EXTL3: variants seen among roughly 807,000 people sequenced by gnomAD.
EXTL3 encodes exostosin like glycosyltransferase 3.
Under a neutral mutation model 69.3 loss-of-function variants are expected in EXTL3, and 27 were observed. That is an observed-to-expected ratio of 0.39 (90% CI 0.29 to 0.54). The LOEUF is 0.54. Among genes scored for constraint, EXTL3 ranks in the 20% least tolerant of loss-of-function variants. The pLI is 0.69. For missense variants in EXTL3, 1,003 were observed against 1,231.8 expected (o/e 0.81, Z 2.78); for synonymous variants, 511 against 499.4 (o/e 1.02, Z -0.31).
intron 6 of EXTL3, among the ~76,000 whole-genome samples, chr8:28,744,792 CAAA>C (rs56932280): frequency 2.2e-5 from 3 of 137,596 alleles, no homozygotes; most frequent in Non-Finnish European, 1.6e-5. Context: ...GACTCCATCT[CAAA>C]AAAAAAAAAA....
chr8:28,608,410 T>A (rs1289558429), intron 2 of EXTL3, among the ~76,000 whole-genome samples: 1 of 152,164 alleles, frequency 6.6e-6, no homozygotes, highest in Non-Finnish European at 1.5e-5. Context: ...TACTAGTTTT[T>A]GTGGGTTGGA....
chr8:28,722,291 G>A (rs1345077693), intron 3 of EXTL3, among the ~76,000 whole-genome samples: 1 of 152,194 alleles, frequency 6.6e-6, no homozygotes, highest in Non-Finnish European at 1.5e-5. Context: ...CTTGGAGGGT[G>A]TTGAGCAGAG....
intron 2 of EXTL3, among the ~76,000 whole-genome samples, chr8:28,610,597 C>G (rs1192169433): frequency 2.6e-5 from 4 of 152,142 alleles, no homozygotes; most frequent in Non-Finnish European, 5.9e-5. Context: ...TGTGTCAGCC[C>G]TACATAGTGC....
chr8:28,628,578 A>G (rs903384487), intron 1 of EXTL3, among the ~76,000 whole-genome samples: 42 of 152,294 alleles, frequency 2.8e-4, no homozygotes, highest in Non-Finnish European at 3.2e-4. Flanking sequence ...AATCTATTTT[A>G]CCACACACAT....
intron 1 of EXTL3, among the ~76,000 whole-genome samples, chr8:28,647,659 T>C (rs1296758643): frequency 6.6e-6 from 1 of 152,148 alleles, no homozygotes; most frequent in Non-Finnish European, 1.5e-5. Flanking sequence ...GAGGCTGTCA[T>C]TTTTGCTGAT....
At chr8:28,636,118 G>A (rs1389619769) in intron 1 of EXTL3, among the ~76,000 whole-genome samples, 1 of 152,004 alleles carries the variant, frequency 6.6e-6, no homozygotes, top group Non-Finnish European at 1.5e-5. Flanking sequence ...ATCACATGAG[G>A]TCAGGAGTTC....
intron 1 of EXTL3, among the ~76,000 whole-genome samples, chr8:28,670,064 C>A (rs533701020): frequency 1.1e-4 from 17 of 152,148 alleles, no homozygotes; most frequent in African/African-American, 3.9e-4. Context: ...CAAAAACTAG[C>A]TGGGCATGAT....
intron 5 of EXTL3, among the ~76,000 whole-genome samples, chr8:28,738,287 A>G (rs1302472895): frequency 2.6e-5 from 4 of 152,214 alleles, no homozygotes; most frequent in Admixed American, 2.0e-4. Flanking sequence ...GTGGCTGCTG[A>G]TCACCTGGTG....
intron 1 of EXTL3, among the ~76,000 whole-genome samples, chr8:28,687,417 G>A (rs1230915771): frequency 1.3e-5 from 2 of 151,672 alleles, no homozygotes; most frequent in Admixed American, 1.3e-4. Context: ...AGTGAGCCGA[G>A]ATCACACCAC....
intron 1 of EXTL3, among the ~76,000 whole-genome samples, chr8:28,628,298 G>A (rs1035967829): frequency 1.4e-4 from 21 of 152,164 alleles, no homozygotes; most frequent in Admixed American, 1.1e-3. Context: ...GGAGGCAGAG[G>A]TTGCAGTGAG....
intron 1 of EXTL3, among the ~76,000 whole-genome samples, chr8:28,626,216 G>C (rs1017151599): frequency 2.6e-5 from 4 of 151,312 alleles, no homozygotes; most frequent in African/African-American, 7.3e-5. Flanking sequence ...AAATGGTGGA[G>C]ATAAAGTACC....
At chr8:28,616,389 G>T (rs992150609) in intron 2 of EXTL3, among the ~76,000 whole-genome samples, 1 of 152,138 alleles carries the variant, frequency 6.6e-6, no homozygotes, top group Non-Finnish European at 1.5e-5. Context: ...ACTTTGGGAG[G>T]CTGAGGCGGG....
At position 28,629,353 on chromosome 8, in the gene EXTL3, G is replaced by A. The variant is rs555702547; in HGVS notation, c.-53+6543G>A. ...GAGATTTGGGTGCTTAGAATTTGGT[G>A]TTTGGTTGCTGGCTGTCTAGGTATC... On this transcript the variant is annotated intron_variant, in intron 1 of 6. Transcript: ENST00000523149. Among the ~76,000 whole-genome samples, 18 of 152,286 alleles carry A rather than the reference G, an allele frequency of 1.2e-4. No individual in the cohort carries two copies. The East Asian group carries it at 1.9e-3, about 16-fold the overall frequency.
intron 3 of EXTL3, among the ~76,000 whole-genome samples, chr8:28,727,743 C>G (rs551592603): frequency 6.6e-6 from 1 of 152,254 alleles, no homozygotes; most frequent in Non-Finnish European, 1.5e-5. Context: ...TGCTTTCTCC[C>G]TCTGTACCAG....
At chr8:28,663,000 C>T (rs764058128) in intron 1 of EXTL3, among the ~76,000 whole-genome samples, 6 of 152,136 alleles carry the variant, frequency 3.9e-5, no homozygotes, top group South Asian at 2.1e-4. Context: ...ATTGTATTAC[C>T]GTACTATCAG....
At chr8:28,723,360 C>T (rs1307336966) in intron 3 of EXTL3, among the ~76,000 whole-genome samples, 2 of 152,030 alleles carry the variant, frequency 1.3e-5, no homozygotes, top group African/African-American at 4.8e-5. Flanking sequence ...TTTCTGTTTG[C>T]GAATGGGCTG....
chr8:28,667,237 G>T (rs1343398334), intron 1 of EXTL3, among the ~76,000 whole-genome samples: 1 of 152,200 alleles, frequency 6.6e-6, no homozygotes, highest in African/African-American at 2.4e-5. Flanking sequence ...GGGATTTGTA[G>T]ACAATGGACA....
At chr8:28,622,092 G>A (rs537751372), upstream of EXTL3, among the ~76,000 whole-genome samples, 80 of 152,320 alleles carry the variant, frequency 5.3e-4, no homozygotes, top group Middle Eastern at 0.02. Flanking sequence ...AGACTGAGCT[G>A]ACCTGTGGTT....
At chr8:28,663,671 C>T (rs1019600326) in intron 1 of EXTL3, among the ~76,000 whole-genome samples, 8 of 152,022 alleles carry the variant, frequency 5.3e-5, no homozygotes, top group African/African-American at 1.9e-4. Flanking sequence ...AGGCTGGTCT[C>T]GAACTCCTGA....
Sources: gnomAD v4.1 joint callset for allele counts (sites outside exome capture counted in the v4.1 genomes callset) on GRCh38, gnomAD v4.1.1 for gene constraint, MANE v1.5 for transcripts, NCBI Gene and HGNC (gene_info 2026-07-23, HGNC 2026-07-21) for gene names.